The following RFX7 variants were observed in gnomAD, a reference collection of about 807,000 sequenced individuals.
The protein encoded by RFX7 is DNA-binding protein RFX7.
A neutral mutation model predicts 111.8 loss-of-function variants in RFX7; 26 were observed. That is an observed-to-expected ratio of 0.23 (90% CI 0.17 to 0.32). The LOEUF (loss-of-function observed/expected upper bound fraction) is 0.32. Ranked by LOEUF, RFX7 falls within the 10% of genes least tolerant of loss-of-function variation. The probability of loss-of-function intolerance (pLI) is 1.00; values close to 1 mark genes in which losing one functional copy is unlikely to be tolerated. For synonymous variants in RFX7, 624 were observed against 624.4 expected (o/e 1.00, Z 0.01); for missense variants, 1,573 against 1,772.9 (o/e 0.89, Z 2.02).
rs1485033837 is a variant in RFX7, at chr15:56,109,236, C to T, written c.402-5566G>A. The stretch of plus-strand genomic sequence containing the variant: ...GGTTTTCGTATTTTTTGGGTGGAGA[C>T]GGGGTTTCGCTGTGTTGGCCAGGCT... On this transcript the variant is annotated intron_variant, in intron 5 of 9. Coordinates refer to ENST00000559447, the MANE Select transcript of RFX7 (RefSeq NM_022841.7). Among the ~76,000 whole-genome samples the T allele has an allele frequency of 3.9e-5, 6 of 152,228 alleles. No homozygotes were observed. In the South Asian group the frequency reaches 8.3e-4, roughly 21 times the overall value.
At position 56,237,246 on chromosome 15, in the gene RFX7, A is replaced by G. The variant is rs74346945; in HGVS notation, c.161+5879T>C. 4.1e-3 allele frequency among the ~76,000 whole-genome samples: 618 copies of G among 152,256 alleles called. 9 individuals carry two copies. The highest frequency in any genetic ancestry group is 0.014 in the African/African-American group (598 of 41,566). On this transcript the variant is annotated intron_variant, in intron 2 of 9. Transcript: ENST00000559447. ...ACAGTGCATTACCTTGACACTTGTC[A>G]CTTCTTTTCCTGGTCCCCTAACTGA...
intron 5 of RFX7, among the ~76,000 whole-genome samples, chr15:56,105,079 C>T (rs1362778155): frequency 6.6e-6 from 1 of 152,084 alleles, no homozygotes; most frequent in African/African-American, 2.4e-5. Context: ...ATGGTTCAAA[C>T]CGGCACAAAA....
At position 56,135,438 on chromosome 15, in the gene RFX7, C is replaced by T. The variant is rs1480556259; in HGVS notation, c.401+7340G>A. On this transcript the variant is annotated intron_variant, in intron 5 of 9. Coordinates refer to ENST00000559447, the MANE Select transcript of RFX7 (RefSeq NM_022841.7). ...CTTTTGAGAAGTGTCTGTTCATGTC[C>T]TTCACCCACTTTTTGATGGGGCTGT... Among the ~76,000 whole-genome samples the T allele has an allele frequency of 2.0e-5, 3 of 152,046 alleles. No individual in the cohort carries two copies. In the East Asian group the frequency reaches 5.8e-4, roughly 29 times the overall value.
upstream of RFX7, among the ~76,000 whole-genome samples, chr15:56,244,437 C>CT (rs1217220855): frequency 9.2e-5 from 14 of 152,130 alleles, no homozygotes; most frequent in Admixed American, 9.2e-4. Context: ...TCTGGCCCCA[C>CT]TTTAACTATC....
intron 5 of RFX7, among the ~76,000 whole-genome samples, chr15:56,116,521 T>C (rs1313701915): frequency 6.6e-6 from 1 of 152,330 alleles, no homozygotes; most frequent in South Asian, 2.1e-4. Flanking sequence ...GACATTCTTA[T>C]AGAATCTGTG....
chr15:56,154,668 C>T (rs1428744719), intron 3 of RFX7, among the ~76,000 whole-genome samples: 3 of 151,992 alleles, frequency 2.0e-5, no homozygotes, highest in Non-Finnish European at 4.4e-5. Context: ...GACCTAGGAC[C>T]ATAAAAATCC....
At chr15:56,148,857 G>A (rs958916587) in intron 3 of RFX7, among the ~76,000 whole-genome samples, 2 of 152,046 alleles carry the variant, frequency 1.3e-5, no homozygotes, top group African/African-American at 2.4e-5. Context: ...TGAGGTGGGC[G>A]GATCATGAAG....
intron 2 of RFX7, among the ~76,000 whole-genome samples, chr15:56,230,762 T>TTCAACAATGGC (rs1435683001): frequency 3.3e-5 from 5 of 152,210 alleles, no homozygotes; most frequent in Non-Finnish European, 7.3e-5. Flanking sequence ...CTAACGAATG[T>TTCAACAATGGC]TTCAGAGTAC....
At chr15:56,121,442 A>C (rs535706775) in intron 5 of RFX7, among the ~76,000 whole-genome samples, 2 of 152,108 alleles carry the variant, frequency 1.3e-5, no homozygotes, top group Non-Finnish European at 2.9e-5. Flanking sequence ...TGTATAGGGC[A>C]AGAGATAGGG....
At chr15:56,221,302 A>T (rs12593713) in intron 2 of RFX7, among the ~76,000 whole-genome samples, 19,836 of 152,244 alleles carry the variant, frequency 0.13, 1,697 homozygotes, top group East Asian at 0.44. Context: ...AATTCTTCCT[A>T]TACATGAGCA....
chr15:56,244,653 C>T (rs569358790), upstream of RFX7, among the ~76,000 whole-genome samples: 24 of 129,550 alleles, frequency 1.9e-4, no homozygotes, highest in African/African-American at 6.5e-4. Flanking sequence ...GGCTCTAAAG[C>T]ATAGCTCAAG....
At chr15:56,219,419 T>C (rs117075086) in intron 2 of RFX7, among the ~76,000 whole-genome samples, 1,533 of 152,332 alleles carry the variant, frequency 0.01, 17 homozygotes, top group Middle Eastern at 0.031. Context: ...AGGTCTGTTA[T>C]ATAGGTAAAT....
chr15:56,116,235 G>T (rs1334891771), intron 5 of RFX7, among the ~76,000 whole-genome samples: 1 of 152,212 alleles, frequency 6.6e-6, no homozygotes, highest in Admixed American at 6.5e-5. Flanking sequence ...AGTGTCATCT[G>T]ATGTAATCAT....
intron 2 of RFX7, among the ~76,000 whole-genome samples, chr15:56,197,069 T>C (rs1364974237): frequency 2.0e-5 from 3 of 152,176 alleles, no homozygotes; most frequent in Non-Finnish European, 4.4e-5. Context: ...AATGACAGAC[T>C]TCTGCCAATC....
At chr15:56,162,148 T>A (rs754945583) in intron 3 of RFX7, among the ~76,000 whole-genome samples, 1 of 152,094 alleles carries the variant, frequency 6.6e-6, no homozygotes, top group Non-Finnish European at 1.5e-5. Context: ...AAAAAAATGA[T>A]GGTACTTGAC....
rs186486802 is a variant in RFX7 at position 56,212,390 on chromosome 15, A to G, written c.161+30735T>C. On this transcript the variant is annotated intron_variant, in intron 2 of 9. Coordinates refer to ENST00000559447, the MANE Select transcript of RFX7 (RefSeq NM_022841.7). ...TATAGTCAGAGCACAGAGGACTTTT[A>G]GGGTAGTAAGCCTACTCTTTATGAT... is the stretch of plus-strand genomic sequence containing the variant. Among the ~76,000 whole-genome samples, 11 of 152,302 alleles carry G rather than the reference A, an allele frequency of 7.2e-5. No homozygotes were observed. In the East Asian group the frequency reaches 2.1e-3, roughly 29 times the overall value.
chr15:56,096,943 G>A (rs1237083599), intron 9 of RFX7, among the ~76,000 whole-genome samples: 1 of 152,112 alleles, frequency 6.6e-6, no homozygotes, highest in African/African-American at 2.4e-5. Context: ...ATAAAATCTT[G>A]AAGAAACATA....
intron 5 of RFX7, among the ~76,000 whole-genome samples, chr15:56,135,463 TTTG>T (rs1224344590): frequency 2.4e-4 from 36 of 152,152 alleles, no homozygotes; most frequent in Middle Eastern, 3.4e-3. Context: ...GATGGGGCTG[TTTG>T]TTTTTTTCTT....
chr15:56,230,673 ATGAG>A (rs1289343401), intron 2 of RFX7, among the ~76,000 whole-genome samples: 2 of 152,244 alleles, frequency 1.3e-5, no homozygotes, highest in African/African-American at 2.4e-5. Flanking sequence ...TGGAAAAAAA[ATGAG>A]TGATTAAGTG....
Sources: gnomAD v4.1 joint callset for allele counts (sites outside exome capture counted in the v4.1 genomes callset) on GRCh38, gnomAD v4.1.1 for gene constraint, MANE v1.5 for transcripts, NCBI Gene and HGNC (gene_info 2026-07-23, HGNC 2026-07-21) for gene names.